The following CMSS1 variants were observed in gnomAD, a reference collection of about 807,000 sequenced individuals.
CMSS1 encodes the protein protein CMSS1.
CMSS1 carries 33 observed loss-of-function variants against 43.5 expected under a neutral mutation model. That is an observed-to-expected ratio of 0.76 (90% CI 0.57 to 1.01). The LOEUF (loss-of-function observed/expected upper bound fraction) is 1.01, where lower values mean the gene tolerates loss of function less well. CMSS1 is among the 50% of genes least tolerant of loss of function. The probability of loss-of-function intolerance (pLI) is 0.00; values close to 1 mark genes in which losing one functional copy is unlikely to be tolerated. For synonymous variants in CMSS1, 115 were observed against 117.2 expected (o/e 0.98, Z 0.12); for missense variants, 313 against 326.4 (o/e 0.96, Z 0.32).
intron 1 of CMSS1, among the ~76,000 whole-genome samples, chr3:100,095,554 C>G (rs2066190794): frequency 6.6e-6 from 1 of 151,786 alleles, no homozygotes; most frequent in East Asian, 1.9e-4. Flanking sequence ...GCTAGGAAAA[C>G]TGGACATTTA....
At chr3:100,164,091 G>C (rs1252587659) in intron 4 of CMSS1, among the ~76,000 whole-genome samples, 1 of 152,184 alleles carries the variant, frequency 6.6e-6, no homozygotes, top group Non-Finnish European at 1.5e-5. Flanking sequence ...ACATGAGCAG[G>C]ATCTGGACTT....
chr3:100,000,118 C>T (rs948862324), intron 1 of CMSS1, among the ~76,000 whole-genome samples: 5 of 152,174 alleles, frequency 3.3e-5, no homozygotes, highest in African/African-American at 1.2e-4. Context: ...AAACACTGGC[C>T]TAGAGTCAAG....
chr3:100,126,888 C>T (rs2066667633), intron 1 of CMSS1, among the ~76,000 whole-genome samples: 2 of 152,204 alleles, frequency 1.3e-5, no homozygotes, highest in South Asian at 4.1e-4. Context: ...GTCCCAGCTA[C>T]TCAGGAGGCT....
intron 1 of CMSS1, among the ~76,000 whole-genome samples, chr3:99,865,939 T>C (rs1944490349): frequency 6.6e-6 from 1 of 152,118 alleles, no homozygotes; most frequent in Non-Finnish European, 1.5e-5. Context: ...AAATTTTGTT[T>C]TTAACCTCCA....
intron 1 of CMSS1, among the ~76,000 whole-genome samples, chr3:99,834,734 C>T (rs1942826740): frequency 6.6e-6 from 1 of 152,138 alleles, no homozygotes. Flanking sequence ...TAGTCATTCT[C>T]AGGCTTACAT....
At chr3:99,845,055 T>G (rs1943300637) in intron 1 of CMSS1, among the ~76,000 whole-genome samples, 1 of 152,230 alleles carries the variant, frequency 6.6e-6, no homozygotes, top group Admixed American at 6.5e-5. Flanking sequence ...ACCCCAAGCC[T>G]AATGTCTTAG....
At chr3:99,848,230 T>C in intron 1 of CMSS1, 1 of 1,585,592 alleles carries the variant, frequency 6.3e-7, no homozygotes. Flanking sequence ...AGGATTGAGT[T>C]CCTTGCAAAA....
intron 1 of CMSS1, among the ~76,000 whole-genome samples, chr3:99,971,079 T>A (rs923763898): frequency 2.6e-5 from 4 of 152,216 alleles, no homozygotes. Flanking sequence ...GGCTCACGCC[T>A]GTAATCCCAG....
At chr3:99,844,819 G>C (rs939866473) in intron 1 of CMSS1, among the ~76,000 whole-genome samples, 1 of 152,140 alleles carries the variant, frequency 6.6e-6, no homozygotes, top group African/African-American at 2.4e-5. Flanking sequence ...GAGACCTGAT[G>C]GTTTAAAAGT....
At chr3:100,087,631 T>C (rs2066033489) in intron 1 of CMSS1, among the ~76,000 whole-genome samples, 2 of 152,200 alleles carry the variant, frequency 1.3e-5, no homozygotes, top group East Asian at 3.9e-4. Flanking sequence ...AATACAATTC[T>C]TTTTCAGATA....
rs376389931 is a variant in CMSS1, at chr3:99,833,346, CAAAA to C, written c.64+15304_64+15307del. 9.4e-5 allele frequency: 109 copies of C among 1,156,950 alleles called. No homozygotes were observed. The African/African-American group carries it at 1.3e-3, about 13-fold the overall frequency. The allele number at this position is 1,156,950 out of a possible 1,614,324, so 71.7% of individuals were successfully genotyped here. ...TTGGTTTGTTTTATCCATAGATTCT[CAAAA>C]GAAACCTAGCAATCTAGAAGACTCC... On this transcript the variant is annotated intron_variant, in intron 1 of 9. Transcript: ENST00000421999.
At chr3:99,879,610 G>T (rs1313784664) in intron 1 of CMSS1, among the ~76,000 whole-genome samples, 1 of 152,112 alleles carries the variant, frequency 6.6e-6, no homozygotes, top group Admixed American at 6.5e-5. Context: ...TAATTAATAG[G>T]ATGTTTCTTG....
At chr3:100,063,053 A>G (rs2065601565) in intron 1 of CMSS1, among the ~76,000 whole-genome samples, 1 of 152,238 alleles carries the variant, frequency 6.6e-6, no homozygotes, top group South Asian at 2.1e-4. Flanking sequence ...TTTGGAGTTC[A>G]TTGAGGCCAA....
chr3:99,950,525 G>A (rs1708145060), intron 1 of CMSS1, among the ~76,000 whole-genome samples: 1 of 152,098 alleles, frequency 6.6e-6, no homozygotes, highest in Non-Finnish European at 1.5e-5. Context: ...CTCCCCTGGT[G>A]ACTTTCCTTC....
rs1405510152 is a variant in CMSS1, at chr3:99,958,267, G to A, written c.64+140224G>A. The stretch of plus-strand genomic sequence containing the variant: ...TATTATTATTTGAAGGTAACATGGA[G>A]GTTTAGTTTGAATTTAAGAGAACAG... On this transcript the variant is annotated intron_variant, in intron 1 of 9. Coordinates refer to ENST00000421999, the MANE Select transcript of CMSS1 (RefSeq NM_032359.4). Among the ~76,000 whole-genome samples, 3 of 148,910 alleles carry A rather than the reference G, an allele frequency of 2.0e-5. No homozygotes were observed. In the East Asian group the frequency reaches 5.9e-4, roughly 29 times the overall value.
chr3:100,007,490 T>C (rs1297561933), intron 1 of CMSS1, among the ~76,000 whole-genome samples: 1 of 152,060 alleles, frequency 6.6e-6, no homozygotes, highest in Non-Finnish European at 1.5e-5. Context: ...AATCAAATCA[T>C]GAAAGATGCA....
chr3:99,999,803 A>G (rs1177901568), intron 1 of CMSS1, among the ~76,000 whole-genome samples: 1 of 152,196 alleles, frequency 6.6e-6, no homozygotes, highest in Admixed American at 6.5e-5. Flanking sequence ...ACATCACCAA[A>G]CAGTGCATCC....
chr3:100,049,154 TC>T (rs1443183807), intron 1 of CMSS1, among the ~76,000 whole-genome samples: 17 of 152,330 alleles, frequency 1.1e-4, no homozygotes, highest in African/African-American at 4.1e-4. Flanking sequence ...TTACCTTCTC[TC>T]CTTACTATTT....
intron 1 of CMSS1, among the ~76,000 whole-genome samples, chr3:100,133,233 T>TA (rs1230836501): frequency 6.6e-6 from 1 of 152,136 alleles, no homozygotes; most frequent in Non-Finnish European, 1.5e-5. Flanking sequence ...ATAAAGCCAC[T>TA]AAAAATGTTT....
Sources: allele counts gnomAD v4.1 joint callset (sites outside exome capture counted in the v4.1 genomes callset), GRCh38; gene constraint gnomAD v4.1.1; transcripts MANE v1.5; gene names NCBI Gene and HGNC (gene_info 2026-07-23, HGNC 2026-07-21).